The following SEPTIN12 variants were observed in gnomAD, a reference collection of about 807,000 sequenced individuals.
SEPTIN12 encodes septin 12, also known as septin-12.
In SEPTIN12, 42 loss-of-function variants were observed where a neutral mutation model predicts 37.7. The ratio of observed to expected loss-of-function variants is 1.11; its 90% CI spans 0.87 to 1.44. The LOEUF is 1.44. Among genes scored for constraint, SEPTIN12 ranks in the 40% most tolerant of loss-of-function variants. The pLI, the probability that SEPTIN12 is intolerant of heterozygous loss-of-function variation, is 0.00. For missense variants in SEPTIN12, 613 were observed against 479.2 expected (o/e 1.28, Z -2.61); for synonymous variants, 254 against 196.7 (o/e 1.29, Z -2.44).
chr16:4,781,743 C>A (rs1243380133), intron 7 of SEPTIN12, among the ~76,000 whole-genome samples: 1 of 149,164 alleles, frequency 6.7e-6, no homozygotes, highest in African/African-American at 2.5e-5. Flanking sequence ...CTCCTGGGTT[C>A]AAGTGATTCT....
At chr16:4,784,228 C>G in intron 4 of SEPTIN12, 160 bp from the exon 5 acceptor site, 1 of 707,852 alleles carries the variant, frequency 1.4e-6, no homozygotes. Context: ...CACTTCCCTG[C>G]ATCATCAGAG....
In SEPTIN12 at chr16:4,783,946, G is replaced by A. The variant is rs756371324; in HGVS notation, c.497C>T (p.Pro166Leu). Residue 166 changes from proline to leucine, a missense_variant, in exon 5 of 10, where the codon CCA (proline) becomes CTA (leucine). Coordinates refer to ENST00000268231, the MANE Select transcript of SEPTIN12 (RefSeq NM_144605.5). The part of the protein sequence containing the change: ...TRVHCCVYFV[P>L]PTGHCLRPLD... ...GCCCCCTCACCAGTGCCCAGTGGGTGGTACAAAGTACACGCAGCAGTGCAC... is the reference window on the plus strand; with the variant it reads ...GCCCCCTCACCAGTGCCCAGTGGGTAGTACAAAGTACACGCAGCAGTGCAC... 5.0e-6 allele frequency: 8 copies of A among 1,614,074 alleles called. No homozygotes were observed. In the South Asian group the frequency reaches 6.6e-5, roughly 13 times the overall value.
At chr16:4,790,273 A>C (rs1220870421), upstream of SEPTIN12, among the ~76,000 whole-genome samples, 1 of 152,170 alleles carries the variant, frequency 6.6e-6, no homozygotes, top group Non-Finnish European at 1.5e-5. Flanking sequence ...TGCAACTACT[A>C]TGCAACTTTT....
chr16:4,784,628 G>A (rs986136452), intron 4 of SEPTIN12, among the ~76,000 whole-genome samples: 2 of 93,706 alleles, frequency 2.1e-5, no homozygotes, highest in Non-Finnish European at 5.1e-5. Flanking sequence ...AAATTAGCTC[G>A]GTGGGGTGGC....
chr16:4,783,274 C>G (rs989687515), intron 7 of SEPTIN12, 188 bp downstream of exon 7: 4 of 611,954 alleles, frequency 6.5e-6, no homozygotes, highest in Non-Finnish European at 1.2e-5. Flanking sequence ...ACATTTTCTC[C>G]GATTCTGTGG....
chr16:4,783,560 G>A lies in SEPTIN12; in HGVS notation c.631-3C>T. On this transcript the variant is annotated splice_polypyrimidine_tract_variant and splice_region_variant and intron_variant, in intron 6 of 9. Transcript: ENST00000268231. Reference sequence around the variant, plus strand: ...TGGGTCCTCAGGTTCTGCTGGATCTGGAGATCCCACACAGGTGACCTCAGC... The same window carrying A: ...TGGGTCCTCAGGTTCTGCTGGATCTAGAGATCCCACACAGGTGACCTCAGC... 1 of 1,613,258 alleles carries A rather than the reference G, an allele frequency of 6.2e-7. No homozygotes were observed. Among genetic ancestry groups the A allele is most frequent in the East Asian group, 2.2e-5 (1 of 44,874 alleles).
upstream of SEPTIN12, among the ~76,000 whole-genome samples, chr16:4,790,893 T>A (rs569009564): frequency 3.2e-4 from 48 of 152,362 alleles, no homozygotes; most frequent in Admixed American, 2.3e-3. Context: ...GGGCACAGCC[T>A]GTCCTGGACC....
chr16:4,783,786 G>A lies in SEPTIN12; in HGVS notation c.513-20C>T, dbSNP rs931889376. 1.9e-6 allele frequency: 3 copies of A among 1,610,592 alleles called. No individual in the cohort carries two copies. Among genetic ancestry groups the A allele is most frequent in the Non-Finnish European group, 2.5e-6 (3 of 1,177,274 alleles). On this transcript the variant is annotated intron_variant, in intron 5 of 9. Transcript: ENST00000268231. Reference sequence around the variant, plus strand: ...CGCAGGCTGCCGGAGGCAGGGCAGTGATGGGGGTGGCGGTGGTGGTGAGTG... The same window carrying A: ...CGCAGGCTGCCGGAGGCAGGGCAGTAATGGGGGTGGCGGTGGTGGTGAGTG...
chr16:4,780,988 C>T (rs887888238), intron 7 of SEPTIN12, among the ~76,000 whole-genome samples: 30 of 151,608 alleles, frequency 2.0e-4, no homozygotes, highest in African/African-American at 6.6e-4. Flanking sequence ...CTGCTGGGCA[C>T]GGTGGCTCAC....
chr16:4,777,967 G>A lies in SEPTIN12; in HGVS notation c.907C>T (p.His303Tyr). ...SHLQDLKDIT[H>Y]NIHYENYRVI... ...CGGTAGTTCTCATAGTGGATGTTGT[G>A]GGTTATGTCCTTCAGGTCTTGGAGG... Residue 303 changes from histidine to tyrosine, a missense_variant, in exon 10 of 10, where the codon CAC becomes TAC. His to Tyr is a moderately conservative substitution (Grantham distance 83). Transcript: ENST00000268231. The A allele has an allele frequency of 6.2e-7, 1 of 1,611,472 alleles. No individual in the cohort carries two copies. The highest frequency in any genetic ancestry group is 1.1e-5 in the South Asian group (1 of 90,730).
chr16:4,787,634 C>CA lies in SEPTIN12; in HGVS notation c.11dup (p.Arg5GlufsTer29). The CA allele has an allele frequency of 6.3e-7, 1 of 1,587,414 alleles. No individual in the cohort carries two copies. The highest frequency in any genetic ancestry group is 1.1e-5 in the South Asian group (1 of 90,290). ...ACAGGCAGGGAGAGGGGGAGCGCCT[C>CA]AGGGGGTCCATGGGGGCCAAGGGTT... is the stretch of plus-strand genomic sequence containing the variant. On this transcript the variant is annotated frameshift_variant, in exon 2 of 10. Transcript: ENST00000268231. LOFTEE classifies it high-confidence loss of function.
upstream of SEPTIN12, among the ~76,000 whole-genome samples, chr16:4,790,615 C>G (rs921908045): frequency 2.0e-5 from 3 of 152,242 alleles, no homozygotes; most frequent in Admixed American, 2.0e-4. Flanking sequence ...TGGCGAAACC[C>G]CATCTCTACT....
At chr16:4,783,622 C>T in intron 6 of SEPTIN12, 27 bp downstream of exon 6, 1 of 1,612,322 alleles carries the variant, frequency 6.2e-7, no homozygotes, top group Non-Finnish European at 8.5e-7. Context: ...CCCGCTGACC[C>T]CAGCCCTGCC....
chr16:4,787,668 C>A lies in SEPTIN12; in HGVS notation c.-22-1G>T. 6.9e-7 allele frequency: 1 copy of A among 1,444,242 alleles called. No individual in the cohort carries two copies. Among genetic ancestry groups the A allele is most frequent in the Non-Finnish European group, 9.5e-7 (1 of 1,056,742 alleles). 89.5% of individuals were successfully genotyped at this position (1,444,242 alleles called of 1,614,324 possible). A position where few individuals can be genotyped will look rare whatever the true frequency, so the allele number is the denominator to read the frequency against. On this transcript the variant is annotated splice_acceptor_variant, in intron 1 of 9. Transcript: ENST00000268231. LOFTEE classifies it low-confidence loss of function (5UTR_SPLICE). ...CATGGGGGCCAAGGGTTCGAGATGCCTGTCACCAGGTGGGTGGGGAGAAGG... is the reference window on the plus strand; with the variant it reads ...CATGGGGGCCAAGGGTTCGAGATGCATGTCACCAGGTGGGTGGGGAGAAGG...
intron 2 of SEPTIN12, 61 bp from the exon 3 acceptor site, chr16:4,786,166 C>A: frequency 3.3e-6 from 5 of 1,524,074 alleles, no homozygotes; most frequent in Non-Finnish European, 4.4e-6. Context: ...TTTTCTCTAA[C>A]TCTTTACTTT....
chr16:4,786,242 C>T, intron 2 of SEPTIN12, 137 bp from the exon 3 acceptor site: 1 of 1,146,512 alleles, frequency 8.7e-7, no homozygotes, highest in Admixed American at 2.9e-5. Context: ...GATGCAATCC[C>T]CGTTCACTGC....
chr16:4,789,401 C>G (rs1164033252), upstream of SEPTIN12, among the ~76,000 whole-genome samples: 2 of 151,900 alleles, frequency 1.3e-5, no homozygotes, highest in African/African-American at 4.8e-5. Context: ...TCTCGGCTCA[C>G]TGTAAGCTCT....
At chr16:4,778,789 G>A (rs2082340991) in intron 8 of SEPTIN12, among the ~76,000 whole-genome samples, 1 of 151,154 alleles carries the variant, frequency 6.6e-6, no homozygotes, top group Non-Finnish European at 1.5e-5. Flanking sequence ...GACAAAGCAA[G>A]ACTCTGTCTC....
At position 4,783,528 on chromosome 16, in the gene SEPTIN12, G is replaced by C; in HGVS notation, c.660C>G (p.Ile220Met). Residue 220 changes from isoleucine (I) to methionine (M), a missense_variant, in exon 7 of 10, where the codon ATC becomes ATG. Ile to Met is a conservative substitution (Grantham distance 10, BLOSUM62 1). Transcript: ENST00000268231. ...CAAAGCACATCTGGGGGTAGACGTC[G>C]ATGCAGTGGGTCCTCAGGTTCTGCT... ...RIQQNLRTHC[I>M]DVYPQMCFDE... 1 of 1,614,140 alleles carries C rather than the reference G, an allele frequency of 6.2e-7. No homozygotes were observed. Among genetic ancestry groups the C allele is most frequent in the Non-Finnish European group, 8.5e-7 (1 of 1,180,022 alleles).
Sources: allele counts gnomAD v4.1 joint callset (sites outside exome capture counted in the v4.1 genomes callset), GRCh38; gene constraint gnomAD v4.1.1; transcripts MANE v1.5; gene names NCBI Gene and HGNC (gene_info 2026-07-23, HGNC 2026-07-21).